FBXW10: variants seen among roughly 807,000 people sequenced by gnomAD.
The protein encoded by FBXW10 is F-box/WD repeat-containing protein 10.
Under a neutral mutation model 113.1 loss-of-function variants are expected in FBXW10, and 68 were observed. That is an observed-to-expected ratio of 0.60 (90% confidence interval 0.49 to 0.74). FBXW10 has a LOEUF of 0.74. Ranked by LOEUF, FBXW10 falls within the 30% of genes least tolerant of loss-of-function variation. The pLI is 0.00. For synonymous variants in FBXW10, 289 were observed against 481.6 expected (o/e 0.60, Z 5.24); for missense variants, 753 against 1,284.5 (o/e 0.59, Z 6.32).
Position 18,750,921 on chromosome 17 carries a change from C to G in FBXW10, c.1000-10C>G, listed in dbSNP as rs780869672. ...TTTATTTTTATTTTTTATTTTTTGT[C>G]TTTTTCCAGGGGTCCTACACAAGAG... is the stretch of plus-strand genomic sequence containing the variant. On this transcript the variant is annotated splice_polypyrimidine_tract_variant and intron_variant, in intron 4 of 13. Transcript: ENST00000395665. The G allele has an allele frequency of 1.7e-5, 28 of 1,603,956 alleles. No homozygotes were observed. The highest frequency in any genetic ancestry group is 5.1e-6 in the Non-Finnish European group (6 of 1,176,688).
At chr17:18,757,701 A>G (rs2035293400) in intron 6 of FBXW10, among the ~76,000 whole-genome samples, 1 of 152,246 alleles carries the variant, frequency 6.6e-6, no homozygotes, top group Non-Finnish European at 1.5e-5. Flanking sequence ...AGTTTGGACA[A>G]TACATTATTT....
chr17:18,752,595 C>A (rs2151796617), intron 5 of FBXW10, among the ~76,000 whole-genome samples: 1 of 152,032 alleles, frequency 6.6e-6, no homozygotes, highest in South Asian at 2.1e-4. Flanking sequence ...TGCCTCTAGT[C>A]CCATCTACTC....
chr17:18,757,725 A>G (rs1416898395), intron 6 of FBXW10, among the ~76,000 whole-genome samples: 3 of 152,258 alleles, frequency 2.0e-5, no homozygotes, highest in African/African-American at 4.8e-5. Context: ...CATCCTGTTC[A>G]TACTTTACCT....
At chr17:18,771,121 A>G (rs1186195835) in intron 11 of FBXW10, among the ~76,000 whole-genome samples, 2 of 151,950 alleles carry the variant, frequency 1.3e-5, no homozygotes, top group Non-Finnish European at 2.9e-5. Flanking sequence ...AAAAAAACAA[A>G]ACAAAACTCT....
chr17:18,747,785 A>G (rs1297260770), intron 1 of FBXW10, among the ~76,000 whole-genome samples, 156 bp from the exon 2 acceptor site: 1 of 151,898 alleles, frequency 6.6e-6, no homozygotes, highest in African/African-American at 2.4e-5. Context: ...TTTGCATAGA[A>G]GTTTGGAGGC....
intron 7 of FBXW10, among the ~76,000 whole-genome samples, chr17:18,763,242 T>C (rs1156356679): frequency 6.6e-6 from 1 of 151,806 alleles, no homozygotes; most frequent in Non-Finnish European, 1.5e-5. Flanking sequence ...CTGCAAGCTC[T>C]GCCTCCCAGG....
intron 5 of FBXW10, among the ~76,000 whole-genome samples, chr17:18,751,600 A>G (rs552764013): frequency 1.3e-5 from 2 of 152,292 alleles, no homozygotes; most frequent in East Asian, 1.9e-4. Context: ...TTGTCCTCTC[A>G]GGGTTCTTCC....
At chr17:18,749,256 C>T (rs1027395064) in intron 2 of FBXW10, among the ~76,000 whole-genome samples, 2 of 151,990 alleles carry the variant, frequency 1.3e-5, no homozygotes, top group Non-Finnish European at 2.9e-5. Context: ...ATTCTATTCT[C>T]GGCCGAGTGC....
Position 18,756,080 on chromosome 17 carries a change from G to A in FBXW10, c.1158G>A (p.Glu386=). 4 of 1,613,976 alleles carry A rather than the reference G, an allele frequency of 2.5e-6. No homozygotes were observed. Among genetic ancestry groups the A allele is most frequent in the Middle Eastern group, 1.7e-4 (1 of 6,056 alleles). The part of the protein sequence containing the change: ...EYNLWTAYQN[E]ETQQVLIEER... Reference sequence around the variant, plus strand: ...ACCTGTGGACTGCATACCAGAACGAGGAAACGCAGCAGGTCCTGATAGAGG... The same window carrying A: ...ACCTGTGGACTGCATACCAGAACGAAGAAACGCAGCAGGTCCTGATAGAGG... Residue 386 remains glutamate, a synonymous_variant, in exon 6 of 14, where the codon GAG becomes GAA. Transcript: ENST00000395665.
intron 7 of FBXW10, among the ~76,000 whole-genome samples, chr17:18,759,438 A>G (rs2035336287): frequency 2.0e-5 from 3 of 151,192 alleles, no homozygotes; most frequent in Non-Finnish European, 4.4e-5. Flanking sequence ...AAAGAATCAT[A>G]TTTTAAAAAT....
At chr17:18,768,055 T>TTCCTTCCTTCCTTCC (rs1244201725) in intron 9 of FBXW10, among the ~76,000 whole-genome samples, 28 of 68,838 alleles carry the variant, frequency 4.1e-4, no homozygotes, top group South Asian at 8.1e-4. Context: ...TCCTTCCTTC[T>TTCCTTCCTTCCTTCC]TTCTTTCTTT....
At chr17:18,762,753 C>G (rs1246284052) in intron 7 of FBXW10, among the ~76,000 whole-genome samples, 35 of 152,094 alleles carry the variant, frequency 2.3e-4, no homozygotes, top group Admixed American at 2.3e-3. Context: ...TGTTCCCCTT[C>G]TGGAAGGGAA....
In FBXW10 at chr17:18,770,978, A is replaced by G. The variant is rs2035600170; in HGVS notation, c.2006+893A>G. 2.0e-5 allele frequency among the ~76,000 whole-genome samples: 3 copies of G among 152,242 alleles called. No individual in the cohort carries two copies. In the South Asian group the frequency reaches 6.2e-4, roughly 32 times the overall value. On this transcript the variant is annotated intron_variant, in intron 11 of 13. Transcript: ENST00000395665. The stretch of plus-strand genomic sequence containing the variant: ...AAATTCTACTTCAAGCTCACTTGAG[A>G]CATCTCTTAATGTCCCTAAACCATA...
intron 8 of FBXW10, among the ~76,000 whole-genome samples, 170 bp from the exon 9 acceptor site, chr17:18,766,544 G>T (rs971009915): frequency 3.3e-4 from 51 of 152,288 alleles, no homozygotes; most frequent in Middle Eastern, 3.4e-3. Flanking sequence ...ATGAGCGGTT[G>T]GTGAGCCTGC....
At position 18,744,188 on chromosome 17, in the gene FBXW10, T is replaced by TG. The variant is rs1200865640; in HGVS notation, c.-55dup. Reference sequence around the variant, plus strand: ...TCATTCCCCCCGTTCCTCTAGTGTTTGGTGGCGTTGCCGTTGCAAGTGCGC... The same window carrying TG: ...TCATTCCCCCCGTTCCTCTAGTGTTTGGGTGGCGTTGCCGTTGCAAGTGCGC... On this transcript the variant is annotated 5_prime_UTR_variant, in exon 1 of 14. Transcript: ENST00000395665. The TG allele has an allele frequency of 6.5e-7, 1 of 1,536,340 alleles. No homozygotes were observed. The highest frequency in any genetic ancestry group is 8.8e-7 in the Non-Finnish European group (1 of 1,139,594).
In FBXW10 at chr17:18,748,072, A is replaced by C. The variant is rs771033031; in HGVS notation, c.637A>C (p.Asn213His). 1.9e-6 allele frequency: 3 copies of C among 1,613,862 alleles called. No individual in the cohort carries two copies. The highest frequency in any genetic ancestry group is 2.5e-6 in the Non-Finnish European group (3 of 1,179,836). ...CCTTCCTTTGTCCAAAGCCCCAGAA[A>C]ATGAACACTTGCTTGGGGCAGCATC... ...TSLPLSKAPENEHLLGAASNP... is the reference protein window; with the variant it reads ...TSLPLSKAPEHEHLLGAASNP... The change falls in exon 2 of 14, where the codon AAT becomes CAT. Residue 213 changes from asparagine to histidine, a missense_variant. Physicochemically the swap from Asn to His is moderately conservative, Grantham distance 68 (BLOSUM62 1). Coordinates refer to ENST00000395665, the MANE Select transcript of FBXW10 (RefSeq NM_001267585.2).
chr17:18,770,422 C>G (rs1398389373), intron 11 of FBXW10, among the ~76,000 whole-genome samples: 1 of 152,090 alleles, frequency 6.6e-6, no homozygotes, highest in Non-Finnish European at 1.5e-5. Flanking sequence ...TCTGCCTCAG[C>G]CTCCCGAGTA....
intron 6 of FBXW10, among the ~76,000 whole-genome samples, chr17:18,757,975 A>G (rs543181459): frequency 1.2e-4 from 18 of 152,212 alleles, no homozygotes; most frequent in Non-Finnish European, 2.5e-4. Context: ...TTTTCCAAGA[A>G]AAAAGGTTTC....
chr17:18,762,621 C>T (rs1028834796), intron 7 of FBXW10, among the ~76,000 whole-genome samples: 3 of 151,982 alleles, frequency 2.0e-5, no homozygotes, highest in Admixed American at 6.6e-5. Flanking sequence ...CACGCCCGGC[C>T]GACAATATAT....
Sources: gnomAD v4.1 joint callset for allele counts (sites outside exome capture counted in the v4.1 genomes callset) on GRCh38, gnomAD v4.1.1 for gene constraint, MANE v1.5 for transcripts, NCBI Gene and HGNC (gene_info 2026-07-23, HGNC 2026-07-21) for gene names.